HDAC9: variants seen among roughly 807,000 people sequenced by gnomAD.
HDAC9 encodes the protein MEF-2 interacting transcription repressor (MITR) protein.
A neutral mutation model predicts 139.4 loss-of-function variants in HDAC9; 41 were observed. That is an observed-to-expected ratio of 0.29 (90% CI 0.23 to 0.38). The LOEUF (loss-of-function observed/expected upper bound fraction) is 0.38, where lower values mean the gene tolerates loss of function less well. Among genes scored for constraint, HDAC9 ranks in the 10% least tolerant of loss-of-function variants. The pLI is 1.00. For synonymous variants in HDAC9, 517 were observed against 476.2 expected, an observed-to-expected ratio of 1.09 and a Z score of -1.12; for missense variants, 1,147 against 1,297.0, an observed-to-expected ratio of 0.88 and a Z score of 1.78.
At chr7:18,748,274 A>T (rs959860054) in intron 13 of HDAC9, among the ~76,000 whole-genome samples, 2 of 152,230 alleles carry the variant, frequency 1.3e-5, no homozygotes, top group Admixed American at 6.5e-5. Flanking sequence ...AAAATGAAAT[A>T]TGCTAATACT....
At chr7:18,193,345 T>C (rs778819188) in intron 2 of HDAC9, among the ~76,000 whole-genome samples, 2 of 152,234 alleles carry the variant, frequency 1.3e-5, no homozygotes, top group African/African-American at 2.4e-5. Flanking sequence ...GTTCAACAAA[T>C]ATTTATTGAG....
chr7:18,458,881 G>A (rs1793587130), intron 1 of HDAC9: 3 of 1,534,656 alleles, frequency 2.0e-6, no homozygotes, highest in Non-Finnish European at 2.6e-6. Flanking sequence ...CTATTCTGTG[G>A]CTGCTGTAGG....
intron 1 of HDAC9, among the ~76,000 whole-genome samples, chr7:18,095,066 G>A (rs531053583): frequency 4.9e-4 from 74 of 152,104 alleles, no homozygotes; most frequent in African/African-American, 6.3e-4. Flanking sequence ...AAAGAGAACC[G>A]TGTAGCATAG....
rs1340861794 is a variant in HDAC9 at position 19,002,071 on chromosome 7, A to C, written c.*6009A>C. 6.6e-6 allele frequency: 1 copy of C among 152,082 alleles called. No homozygotes were observed. Among genetic ancestry groups the C allele is most frequent in the African/African-American group, 2.4e-5 (1 of 41,434 alleles). 9.4% of individuals were successfully genotyped at this position (152,082 alleles called of 1,614,324 possible). A position where few individuals can be genotyped will look rare whatever the true frequency, so the allele number is the denominator to read the frequency against. ...TTGCCCTTAATTTTTTTTGGCTAGC[A>C]TCACCAAGATCTGTCATCCAGAGCT... On this transcript the variant is annotated 3_prime_UTR_variant, in exon 26 of 26. Transcript: ENST00000686413.
chr7:18,995,654 CATT>C (rs1162122862), intron 25 of HDAC9, among the ~76,000 whole-genome samples: 1 of 152,186 alleles, frequency 6.6e-6, no homozygotes, highest in East Asian at 1.9e-4. Context: ...CCTTTGCTCT[CATT>C]AGCAAACTGG....
At chr7:18,153,683 A>T (rs1786955416) in intron 1 of HDAC9, among the ~76,000 whole-genome samples, 1 of 152,162 alleles carries the variant, frequency 6.6e-6, no homozygotes, top group Non-Finnish European at 1.5e-5. Flanking sequence ...AGTCAGTGCA[A>T]ATCGGCTTTA....
At chr7:18,914,431 A>G (rs896932097) in intron 22 of HDAC9, among the ~76,000 whole-genome samples, 4 of 151,894 alleles carry the variant, frequency 2.6e-5, no homozygotes, top group African/African-American at 4.8e-5. Flanking sequence ...CAGTATTTCA[A>G]CTCTATCTGT....
At chr7:18,402,687 G>T (rs542321778) in intron 1 of HDAC9, among the ~76,000 whole-genome samples, 4 of 152,188 alleles carry the variant, frequency 2.6e-5, no homozygotes, top group Non-Finnish European at 5.9e-5. Flanking sequence ...TGTGAATAAT[G>T]AACATAGAGG....
intron 17 of HDAC9, among the ~76,000 whole-genome samples, chr7:18,811,589 A>G (rs992810711): frequency 1.3e-5 from 2 of 151,702 alleles, no homozygotes; most frequent in African/African-American, 4.8e-5. Context: ...GGGTCAGAAA[A>G]CATTTTCTGT....
At chr7:18,097,356 G>T (rs993920665) in intron 1 of HDAC9, among the ~76,000 whole-genome samples, 1 of 151,874 alleles carries the variant, frequency 6.6e-6, no homozygotes, top group African/African-American at 2.4e-5. Context: ...AGCAACATTG[G>T]ATGTCATCTG....
At chr7:18,330,043 C>A (rs113481630) in intron 1 of HDAC9, among the ~76,000 whole-genome samples, 2 of 151,256 alleles carry the variant, frequency 1.3e-5, no homozygotes, top group African/African-American at 4.8e-5. Context: ...ATGATACCCA[C>A]CTCTCATACC....
chr7:18,622,429 T>C (rs1338478728), intron 6 of HDAC9, among the ~76,000 whole-genome samples: 4 of 152,134 alleles, frequency 2.6e-5, no homozygotes, highest in Admixed American at 2.0e-4. Context: ...GTTCAAGCAA[T>C]TCTGCTGCCT....
intron 6 of HDAC9, among the ~76,000 whole-genome samples, chr7:18,613,429 T>G (rs948717989): frequency 6.6e-6 from 1 of 152,110 alleles, no homozygotes; most frequent in African/African-American, 2.4e-5. Context: ...AGGGACATTT[T>G]TGCTTTCAAG....
chr7:18,256,642 A>T (rs1335900705), intron 2 of HDAC9, among the ~76,000 whole-genome samples: 2 of 152,206 alleles, frequency 1.3e-5, no homozygotes, highest in Admixed American at 1.3e-4. Flanking sequence ...TAAAAATTTT[A>T]GTTGCTTTAT....
intron 16 of HDAC9, among the ~76,000 whole-genome samples, chr7:18,781,316 T>C (rs1375604768): frequency 6.6e-6 from 1 of 152,052 alleles, no homozygotes; most frequent in African/African-American, 2.4e-5. Flanking sequence ...CAGGGTTGGC[T>C]TTGGTTGAAA....
chr7:18,557,998 G>A (rs1042812268), intron 2 of HDAC9, among the ~76,000 whole-genome samples: 3 of 152,008 alleles, frequency 2.0e-5, no homozygotes, highest in Non-Finnish European at 2.9e-5. Flanking sequence ...TTTAAAAGCT[G>A]TTTAAAGAAT....
In HDAC9 at chr7:18,264,363, T is replaced by A. The variant is rs185024193; in HGVS notation, c.25+102014T>A. ...GAATGAAATTAGAAATTAAAAAAAA[T>A]AAGAATTTAGTAAATTCTCAAATAT... On this transcript the variant is annotated intron_variant, in intron 2 of 12. Transcript: ENST00000417496. Among the ~76,000 whole-genome samples the A allele has an allele frequency of 2.0e-5, 3 of 152,210 alleles. No homozygotes were observed. The East Asian group carries it at 5.8e-4, about 29-fold the overall frequency.
intron 25 of HDAC9, among the ~76,000 whole-genome samples, chr7:18,984,332 C>T (rs370725870): frequency 1.3e-5 from 2 of 152,086 alleles, no homozygotes; most frequent in African/African-American, 4.8e-5. Context: ...TTGGGGGTGC[C>T]ACAGAGTTGA....
intron 25 of HDAC9, 133 bp downstream of exon 25, chr7:18,976,086 G>T (rs1784531178): frequency 2.5e-6 from 2 of 809,778 alleles, no homozygotes; most frequent in African/African-American, 1.7e-5. Context: ...CAAAGCCACA[G>T]ATGCCACAGC....
Sources: allele counts gnomAD v4.1 joint callset (sites outside exome capture counted in the v4.1 genomes callset), GRCh38; gene constraint gnomAD v4.1.1; transcripts MANE v1.5; gene names NCBI Gene and HGNC (gene_info 2026-07-23, HGNC 2026-07-21).